The following PHF12 variants were observed in gnomAD, a reference collection of about 807,000 sequenced individuals.
The protein encoded by PHF12 is PHD finger protein 12.
Under a neutral mutation model 99.8 loss-of-function variants are expected in PHF12, and 6 were observed. The observed-to-expected ratio is 0.06, with a 90% CI of 0.03 to 0.12. The LOEUF (loss-of-function observed/expected upper bound fraction) is 0.12, where lower values mean the gene tolerates loss of function less well. Among genes scored for constraint, PHF12 ranks in the 10% least tolerant of loss-of-function variants. The pLI is 1.00. For missense variants in PHF12, 954 were observed against 1,300.1 expected (o/e 0.73, Z 4.09); for synonymous variants, 480 against 514.9 (o/e 0.93, Z 0.92).
Position 28,950,986 on chromosome 17 carries a change from C to T in PHF12, c.-26G>A. 6.2e-7 allele frequency: 1 copy of T among 1,613,390 alleles called. No homozygotes were observed. Among genetic ancestry groups the T allele is most frequent in the Non-Finnish European group, 8.5e-7 (1 of 1,179,640 alleles). ...TCATCCACCTCCCGGGCTGGGTGCT[C>T]TCTGCTCCGGCCCCCCCAACCCCGG... On this transcript the variant is annotated 5_prime_UTR_variant, in exon 1 of 15. Transcript: ENST00000332830. The surrounding 1 kb of genome is among the most constrained non-coding windows in gnomAD (Gnocchi z 5.7).
intron 2 of PHF12, among the ~76,000 whole-genome samples, chr17:28,940,785 A>G (rs138351336): frequency 2.4e-4 from 37 of 152,352 alleles, no homozygotes; most frequent in Non-Finnish European, 4.7e-4. Flanking sequence ...CGTCCTGGGC[A>G]TGGTGACAAA....
intron 2 of PHF12, among the ~76,000 whole-genome samples, chr17:28,929,003 G>A (rs574515273): frequency 6.6e-6 from 1 of 151,808 alleles, no homozygotes; most frequent in African/African-American, 2.4e-5. Flanking sequence ...GGCCGAGGCA[G>A]GAGAATCGCT....
chr17:28,907,416 G>C (rs2039889796), intron 13 of PHF12, 174 bp downstream of exon 13: 2 of 633,360 alleles, frequency 3.2e-6, no homozygotes, highest in Non-Finnish European at 5.3e-6. Flanking sequence ...TAGCTTCCCA[G>C]GTAGGATGCT....
Position 28,905,959 on chromosome 17 carries a change from A to G in PHF12, c.*224T>C. 1 of 475,200 alleles carries G rather than the reference A, an allele frequency of 2.1e-6. No individual in the cohort carries two copies. The allele number at this position is 475,200 out of a possible 1,614,324, so 29.4% of individuals were successfully genotyped here. ...CTCAGCTCAGGTCTGCCGCTTTCCC[A>G]TGAAATGTTGAGTACAAATATATGT... On this transcript the variant is annotated 3_prime_UTR_variant, in exon 15 of 15. Transcript: ENST00000332830.
In PHF12 at chr17:28,951,335, G is replaced by C. The variant is rs926579312; in HGVS notation, c.-375C>G. 1.9e-6 allele frequency: 2 copies of C among 1,049,968 alleles called. No homozygotes were observed. Among genetic ancestry groups the C allele is most frequent in the South Asian group, 3.1e-5 (1 of 32,500 alleles). The allele number at this position is 1,049,968 out of a possible 1,614,324, so 65.0% of individuals were successfully genotyped here. ...CCGGGGCTGGGGGTATCGGAGGGGG[G>C]GTGAGAGGTTACGTGAGGTTGTGGT... is the stretch of plus-strand genomic sequence containing the variant. On this transcript the variant is annotated 5_prime_UTR_variant, in exon 1 of 15. Transcript: ENST00000332830.
Position 28,913,212 on chromosome 17 carries a change from A to C in PHF12, c.1359T>G (p.Pro453=). The change falls in exon 9 of 15, where the codon CCT becomes CCG. Residue 453 remains proline, a synonymous_variant. Transcript: ENST00000332830. ...CTGTCTGTTCAGAGTCCCAATGCGAAGGCATCTGCTTAGCAGATAAATGTT... is the reference window on the plus strand; with the variant it reads ...CTGTCTGTTCAGAGTCCCAATGCGACGGCATCTGCTTAGCAGATAAATGTT... ...ILKHLSAKQM[P]SHWDSEQTEK... is the part of the protein sequence containing the mutation. 6.2e-7 allele frequency: 1 copy of C among 1,614,198 alleles called. No homozygotes were observed. The highest frequency in any genetic ancestry group is 1.1e-5 in the South Asian group (1 of 91,090).
rs200620528 is a variant in PHF12 at position 28,912,576 on chromosome 17, G to C, written c.1995C>G (p.Asn665Lys). 6.2e-6 allele frequency: 10 copies of C among 1,614,230 alleles called. No individual in the cohort carries two copies. Among genetic ancestry groups the C allele is most frequent in the Non-Finnish European group, 6.8e-6 (8 of 1,180,030 alleles). ...TDSRPLGSPP[N>K]ATRVLTPPQA... is the part of the protein sequence containing the mutation. ...GCGGGGGAGTGAGCACCCGGGTGGCGTTTGGGGGTGAGCCCAGTGGCCTTG... is the reference window on the plus strand; with the variant it reads ...GCGGGGGAGTGAGCACCCGGGTGGCCTTTGGGGGTGAGCCCAGTGGCCTTG... The change falls in exon 9 of 15, where the codon AAC (asparagine) becomes AAG (lysine). Residue 665 changes from asparagine to lysine, a missense_variant. By Grantham distance (94) the Asn-to-Lys change is moderately conservative. Around this residue, in one of 8 missense-constraint regions of PHF12, gnomAD observed 392 missense variants for 423.1 expected, o/e 0.93. Coordinates refer to ENST00000332830, the MANE Select transcript of PHF12 (RefSeq NM_001033561.2).
rs578119966 is a variant in PHF12, at chr17:28,917,172, A to G, written c.1134+113T>C. The G allele has an allele frequency of 4.9e-5, 70 of 1,440,876 alleles. 1 individual carries two copies. In the South Asian group the frequency reaches 8.2e-4, roughly 17 times the overall value. 89.3% of individuals were successfully genotyped at this position (1,440,876 alleles called of 1,614,324 possible). On this transcript the variant is annotated intron_variant, in intron 7 of 14. Transcript: ENST00000332830. ...CACTCATTACTCACGAGACACCACA[A>G]ACCTATTTCTGGGGCTTCAGTTTCC...
chr17:28,936,155 T>C (rs2040505302), intron 2 of PHF12, among the ~76,000 whole-genome samples: 2 of 152,168 alleles, frequency 1.3e-5, no homozygotes, highest in South Asian at 4.1e-4. Flanking sequence ...TTGATCTGAG[T>C]CTAACCTCAC....
chr17:28,946,067 C>T (rs930699198), intron 2 of PHF12, among the ~76,000 whole-genome samples: 9 of 151,870 alleles, frequency 5.9e-5, no homozygotes, highest in African/African-American at 2.2e-4. Flanking sequence ...GCCCGGGAGG[C>T]GTTGCAGTGA....
chr17:28,938,791 T>C (rs1270182924), intron 2 of PHF12, among the ~76,000 whole-genome samples: 1 of 152,182 alleles, frequency 6.6e-6, no homozygotes, highest in Admixed American at 6.5e-5. Context: ...CTGTCATGGT[T>C]TGATGCCACA....
At chr17:28,913,301 G>C (rs538010774) in intron 8 of PHF12, 24 bp from the exon 9 acceptor site, 28 of 1,577,944 alleles carry the variant, frequency 1.8e-5, no homozygotes, top group South Asian at 1.0e-4. Context: ...AGAGGAGAGG[G>C]GGGTGAGAAG....
chr17:28,942,622 C>G (rs1047780572), intron 2 of PHF12, among the ~76,000 whole-genome samples: 5 of 151,958 alleles, frequency 3.3e-5, no homozygotes, highest in African/African-American at 9.7e-5. Context: ...TTGAGACCAG[C>G]CTGACCAACA....
intron 13 of PHF12, 80 bp from the exon 14 acceptor site, chr17:28,907,074 A>AGGCC: frequency 6.8e-7 from 1 of 1,465,828 alleles, no homozygotes; most frequent in Non-Finnish European, 9.2e-7. Flanking sequence ...CATATGGAGA[A>AGGCC]GGCCGTGCTA....
intron 2 of PHF12, among the ~76,000 whole-genome samples, chr17:28,940,252 A>T (rs2040589656): frequency 6.6e-6 from 1 of 152,246 alleles, no homozygotes. Context: ...TTACCTTTGC[A>T]TGTCTCTCAT....
rs763835809 is a variant in PHF12 at position 28,917,494 on chromosome 17, ACCT to A, written c.970-48_970-46del. 9 of 1,554,446 alleles carry A rather than the reference ACCT, an allele frequency of 5.8e-6. No homozygotes were observed. The African/African-American group carries it at 1.1e-4, about 19-fold the overall frequency. On this transcript the variant is annotated intron_variant, in intron 6 of 14. Coordinates refer to ENST00000332830, the MANE Select transcript of PHF12 (RefSeq NM_001033561.2). The stretch of plus-strand genomic sequence containing the variant: ...AACCTTGTGGTGAGCCTCAAAAGGC[ACCT>A]CCTATCCCAGTTAACCCCATTCCCT...
intron 2 of PHF12, among the ~76,000 whole-genome samples, chr17:28,944,104 GA>G (rs1304627934): frequency 6.6e-6 from 1 of 152,196 alleles, no homozygotes; most frequent in Non-Finnish European, 1.5e-5. Context: ...AGATTCAAAT[GA>G]AAGCAGTACC....
intron 2 of PHF12, among the ~76,000 whole-genome samples, chr17:28,929,551 G>A (rs1220702493): frequency 6.6e-6 from 1 of 152,108 alleles, no homozygotes; most frequent in African/African-American, 2.4e-5. Context: ...AGCCAAACTT[G>A]AGTATCTCAG....
rs1420950067 is a variant in PHF12 at position 28,923,891 on chromosome 17, G to C, written c.715+18C>G. 1.9e-6 allele frequency: 3 copies of C among 1,593,698 alleles called. No individual in the cohort carries two copies. In the African/African-American group the frequency reaches 4.0e-5, roughly 21 times the overall value. ...GGAAACTGGGGTTGGGAAGGGATAT[G>C]ATGATGGTTTGGCTGACCTGGTAGT... On this transcript the variant is annotated intron_variant, in intron 4 of 14. Coordinates refer to ENST00000332830, the MANE Select transcript of PHF12 (RefSeq NM_001033561.2).
Sources: gnomAD v4.1 joint callset for allele counts (sites outside exome capture counted in the v4.1 genomes callset) on GRCh38, gnomAD v4.1.1 for gene constraint, gnomAD v4.1.1 regional missense constraint, Gnocchi (gnomAD v3.1) non-coding constraint, MANE v1.5 for transcripts, NCBI Gene and HGNC (gene_info 2026-07-23, HGNC 2026-07-21) for gene names.